The following DCAF1 variants were observed in gnomAD, a reference collection of about 807,000 sequenced individuals.
The protein encoded by DCAF1 is DDB1- and CUL4-associated factor 1.
A neutral mutation model predicts 128.0 loss-of-function variants in DCAF1; 15 were observed. The observed-to-expected ratio is 0.12, with a 90% CI of 0.08 to 0.18. The LOEUF is 0.18. DCAF1 is among the 10% of genes least tolerant of loss of function. The probability of loss-of-function intolerance (pLI) is 1.00; values close to 1 mark genes in which losing one functional copy is unlikely to be tolerated. For missense variants in DCAF1, 988 were observed against 1,649.5 expected (o/e 0.60, Z 6.95); for synonymous variants, 610 against 603.0 (o/e 1.01, Z -0.17).
At chr3:51,399,822 C>T (rs758016206) in intron 24 of DCAF1, among the ~76,000 whole-genome samples, 5 of 152,052 alleles carry the variant, frequency 3.3e-5, no homozygotes, top group Non-Finnish European at 5.9e-5. Flanking sequence ...ACCCTGAGCC[C>T]GTAAAACAGA....
At chr3:51,489,369 G>A (rs879982958) in intron 2 of DCAF1, among the ~76,000 whole-genome samples, 4 of 152,080 alleles carry the variant, frequency 2.6e-5, no homozygotes, top group Non-Finnish European at 5.9e-5. Flanking sequence ...AGAGGCAGAC[G>A]TTGCAATGAG....
chr3:51,443,240 G>A (rs556863135), intron 7 of DCAF1, among the ~76,000 whole-genome samples: 1 of 152,108 alleles, frequency 6.6e-6, no homozygotes, highest in Non-Finnish European at 1.5e-5. Flanking sequence ...AAGGGAAACA[G>A]GGAATGTTAC....
chr3:51,438,932 T>A (rs1024734427), intron 9 of DCAF1, among the ~76,000 whole-genome samples: 6 of 152,130 alleles, frequency 3.9e-5, no homozygotes, highest in African/African-American at 1.2e-4. Context: ...TACATTTTTT[T>A]AAAAAGTAAT....
At chr3:51,472,710 G>C (rs1359125078) in intron 3 of DCAF1, among the ~76,000 whole-genome samples, 4 of 151,490 alleles carry the variant, frequency 2.6e-5, no homozygotes, top group Non-Finnish European at 5.9e-5. Context: ...CGTTGCCCAG[G>C]CTGGAGTGCA....
rs1577283237 is a variant in DCAF1, at chr3:51,478,793, T to G, written c.110+4926A>C. Among the ~76,000 whole-genome samples the G allele has an allele frequency of 3.3e-5, 5 of 152,254 alleles. No homozygotes were observed. The South Asian group carries it at 1.0e-3, about 32-fold the overall frequency. ...CATAAACCACTACATCTGGCCTAAC[T>G]TTCTTAATCTCCAATGCCTCTACCA... On this transcript the variant is annotated intron_variant, in intron 3 of 24. Transcript: ENST00000684031.
At chr3:51,461,194 T>C (rs1362652879) in intron 6 of DCAF1, among the ~76,000 whole-genome samples, 6 of 151,714 alleles carry the variant, frequency 4.0e-5, no homozygotes, top group Non-Finnish European at 7.4e-5. Flanking sequence ...GAATCTACAA[T>C]GAACTCAAAC....
chr3:51,478,006 T>C (rs1705691733), intron 3 of DCAF1, among the ~76,000 whole-genome samples: 1 of 152,032 alleles, frequency 6.6e-6, no homozygotes, highest in South Asian at 2.1e-4. Context: ...TATCTGTTAG[T>C]TTTTGTTGTT....
chr3:51,406,388 C>A (rs2090115536), intron 23 of DCAF1, among the ~76,000 whole-genome samples: 1 of 145,404 alleles, frequency 6.9e-6, no homozygotes, highest in African/African-American at 2.5e-5. Context: ...AGAATCCTGA[C>A]TCAACTCTGA....
chr3:51,455,327 C>T (rs1702780032), intron 6 of DCAF1, among the ~76,000 whole-genome samples: 1 of 152,136 alleles, frequency 6.6e-6, no homozygotes, highest in Non-Finnish European at 1.5e-5. Flanking sequence ...ACACATGGGC[C>T]AGGCATGGTG....
chr3:51,421,078 T>C (rs1419272217), intron 14 of DCAF1, 81 bp from the exon 15 acceptor site: 1 of 1,485,244 alleles, frequency 6.7e-7, no homozygotes. Context: ...CAAAATTTGG[T>C]GTTCTACTCA....
chr3:51,438,248 CACTTACTA>C (rs1377948158), intron 9 of DCAF1, among the ~76,000 whole-genome samples: 1 of 152,068 alleles, frequency 6.6e-6, no homozygotes, highest in Non-Finnish European at 1.5e-5. Context: ...AGAATTCATT[CACTTACTA>C]AGTGACTACT....
At chr3:51,471,263 A>G (rs1704712885) in intron 3 of DCAF1, among the ~76,000 whole-genome samples, 1 of 149,426 alleles carries the variant, frequency 6.7e-6, no homozygotes, top group Admixed American at 6.7e-5. Flanking sequence ...GGCTCACTGC[A>G]AGCTCTACCT....
intron 3 of DCAF1, 113 bp downstream of exon 3, chr3:51,483,606 A>T: frequency 2.0e-6 from 1 of 511,916 alleles, no homozygotes; most frequent in East Asian, 3.1e-5. Flanking sequence ...TTTTTAAACT[A>T]GTTTGTGTGT....
rs782024979 is a variant in DCAF1 at position 51,420,986 on chromosome 3, T to C, written c.1984A>G (p.Ile662Val). The C allele has an allele frequency of 2.5e-6, 4 of 1,611,342 alleles. No individual in the cohort carries two copies. In the African/African-American group the frequency reaches 4.0e-5, roughly 16 times the overall value. ...STVSTVGISI[I>V]LGVAEGEFFI... ...AACTCACCCTCAGCCACTCCCAAAA[T>C]AATGCTGATACCTAATGGGAAAAAA... The change falls in exon 15 of 25, where the codon ATT becomes GTT. Residue 662 changes from isoleucine (I) to valine (V), a missense_variant. Physicochemically the swap from Ile to Val is conservative, Grantham distance 29. Around this residue, in one of 11 missense-constraint regions of DCAF1, gnomAD observed 185 missense variants for 248.1 expected, o/e 0.75. Coordinates refer to ENST00000684031, the MANE Select transcript of DCAF1 (RefSeq NM_001387579.1). This position sits in a 1 kb window ranked among gnomAD's most constrained non-coding sequence, Gnocchi z 6.5.
chr3:51,472,636 G>A (rs868939393), intron 3 of DCAF1, among the ~76,000 whole-genome samples: 1 of 151,450 alleles, frequency 6.6e-6, no homozygotes, highest in Non-Finnish European at 1.5e-5. Flanking sequence ...CATCCATGTT[G>A]CTGAATGTAT....
rs138648367 is a variant in DCAF1 at position 51,414,128 on chromosome 3, T to C, written c.3838-85A>G. On this transcript the variant is annotated intron_variant, in intron 19 of 24. Coordinates refer to ENST00000684031, the MANE Select transcript of DCAF1 (RefSeq NM_001387579.1). ...GGAAATTCTAAAATATCACTTTTTT[T>C]CCTCCTGCCAGGTATTGATACTTTA... is the stretch of plus-strand genomic sequence containing the variant. 119 of 1,448,554 alleles carry C rather than the reference T, an allele frequency of 8.2e-5. No homozygotes were observed. The East Asian group carries it at 2.6e-3, about 32-fold the overall frequency. 89.7% of individuals were successfully genotyped at this position (1,448,554 alleles called of 1,614,324 possible).
intron 6 of DCAF1, among the ~76,000 whole-genome samples, chr3:51,449,572 G>C (rs1553641020): frequency 2.0e-5 from 3 of 151,898 alleles, no homozygotes; most frequent in Non-Finnish European, 2.9e-5. Flanking sequence ...ATCAAATTAG[G>C]AACTAGGCCT....
At chr3:51,434,915 G>A (rs1431173944) in intron 9 of DCAF1, among the ~76,000 whole-genome samples, 1 of 152,096 alleles carries the variant, frequency 6.6e-6, no homozygotes, top group Non-Finnish European at 1.5e-5. Flanking sequence ...GGGAAAGCTA[G>A]AGCTCCCCCT....
intron 3 of DCAF1, among the ~76,000 whole-genome samples, chr3:51,475,852 C>T (rs996816696): frequency 6.6e-6 from 1 of 150,974 alleles, no homozygotes; most frequent in Non-Finnish European, 1.5e-5. Context: ...CAGAGCGAGA[C>T]TATGTCTCAT....
Sources: allele counts gnomAD v4.1 joint callset (sites outside exome capture counted in the v4.1 genomes callset), GRCh38; gene constraint gnomAD v4.1.1; regional missense constraint gnomAD v4.1.1; non-coding constraint Gnocchi (gnomAD v3.1); transcripts MANE v1.5; gene names NCBI Gene and HGNC (gene_info 2026-07-23, HGNC 2026-07-21).